DPP10: variants seen among roughly 807,000 people sequenced by gnomAD.
DPP10 encodes dipeptidyl peptidase like 10.
DPP10 carries 33 observed loss-of-function variants against 120.9 expected under a neutral mutation model. The observed-to-expected ratio is 0.27, with a 90% CI of 0.21 to 0.37. DPP10 has a LOEUF of 0.37. Among genes scored for constraint, DPP10 ranks in the 10% least tolerant of loss-of-function variants. The probability of loss-of-function intolerance (pLI) is 1.00; values close to 1 mark genes in which losing one functional copy is unlikely to be tolerated. For synonymous variants in DPP10, 337 were observed against 326.1 expected, an observed-to-expected ratio of 1.03 and a Z score of -0.36; for missense variants, 816 against 942.8, an observed-to-expected ratio of 0.87 and a Z score of 1.76.
At chr2:114,972,318 T>C (rs1699452117) in intron 1 of DPP10, among the ~76,000 whole-genome samples, 1 of 152,224 alleles carries the variant, frequency 6.6e-6, no homozygotes, top group Non-Finnish European at 1.5e-5. Flanking sequence ...CATTCAGTTT[T>C]GCAAACTGAT....
chr2:115,123,519 T>A (rs1438445497), intron 1 of DPP10, among the ~76,000 whole-genome samples: 2 of 152,198 alleles, frequency 1.3e-5, no homozygotes, highest in South Asian at 4.1e-4. Context: ...GGAAGATCAT[T>A]TACTGGTTAA....
chr2:115,461,523 A>G (rs894332531), intron 3 of DPP10, among the ~76,000 whole-genome samples: 5 of 152,110 alleles, frequency 3.3e-5, no homozygotes, highest in Admixed American at 6.6e-5. Flanking sequence ...TAGATTTTAA[A>G]TGTTCTCACC....
chr2:115,158,643 C>A (rs1177340745), intron 1 of DPP10, among the ~76,000 whole-genome samples: 1 of 151,972 alleles, frequency 6.6e-6, no homozygotes, highest in Non-Finnish European at 1.5e-5. Context: ...TCTCCAGTTC[C>A]TTTTCAGTTA....
chr2:114,621,746 G>T (rs530620333), intron 1 of DPP10, among the ~76,000 whole-genome samples: 5 of 151,670 alleles, frequency 3.3e-5, no homozygotes, highest in African/African-American at 1.2e-4. Context: ...ATGGATAGAG[G>T]TTTTTTCATT....
At chr2:115,457,887 C>A (rs1410652214) in intron 3 of DPP10, among the ~76,000 whole-genome samples, 1 of 152,006 alleles carries the variant, frequency 6.6e-6, no homozygotes, top group African/African-American at 2.4e-5. Flanking sequence ...TCTTTATATA[C>A]TTAAACACTG....
intron 3 of DPP10, among the ~76,000 whole-genome samples, chr2:115,463,120 A>G (rs2074095398): frequency 2.0e-5 from 3 of 152,186 alleles, no homozygotes; most frequent in Admixed American, 1.3e-4. Context: ...GCCAGTGTCA[A>G]CTGCATTTGG....
At chr2:115,808,195 A>T (rs72952001) in intron 19 of DPP10, among the ~76,000 whole-genome samples, 3 of 152,366 alleles carry the variant, frequency 2.0e-5, no homozygotes, top group Admixed American at 6.5e-5. Flanking sequence ...TGGCCGTGTA[A>T]CTATAATTCA....
At chr2:114,919,795 A>C (rs1261139605) in intron 1 of DPP10, among the ~76,000 whole-genome samples, 1 of 152,292 alleles carries the variant, frequency 6.6e-6, no homozygotes, top group Admixed American at 6.5e-5. Flanking sequence ...GTGTAGTTGC[A>C]TTCTGATGAT....
chr2:115,216,943 CTT>C (rs754295341), intron 1 of DPP10, among the ~76,000 whole-genome samples: 9 of 151,708 alleles, frequency 5.9e-5, no homozygotes, highest in African/African-American at 1.5e-4. Flanking sequence ...ATTTGTCTAA[CTT>C]AACATCAAAA....
At chr2:115,447,835 A>G (rs765793589) in intron 3 of DPP10, among the ~76,000 whole-genome samples, 1 of 152,234 alleles carries the variant, frequency 6.6e-6, no homozygotes, top group African/African-American at 2.4e-5. Context: ...AAAATGGGCT[A>G]TTATAGTCAG....
At chr2:114,971,296 T>C (rs995461663) in intron 1 of DPP10, among the ~76,000 whole-genome samples, 2 of 152,322 alleles carry the variant, frequency 1.3e-5, no homozygotes, top group South Asian at 2.1e-4. Flanking sequence ...AATTTAACTT[T>C]CTATTTTTTT....
intron 10 of DPP10, 132 bp from the exon 11 acceptor site, chr2:115,753,042 C>A: frequency 1.5e-6 from 1 of 665,194 alleles, no homozygotes; most frequent in Non-Finnish European, 2.3e-6. Context: ...TCTATCTATA[C>A]ATAAATTAAT....
intron 1 of DPP10, among the ~76,000 whole-genome samples, chr2:114,503,150 G>A (rs1683342101): frequency 6.6e-6 from 1 of 152,160 alleles, no homozygotes; most frequent in African/African-American, 2.4e-5. Flanking sequence ...ATCACCAATA[G>A]CATGGGGCTT....
chr2:115,435,072 A>G (rs2071368939), intron 3 of DPP10, among the ~76,000 whole-genome samples: 1 of 148,874 alleles, frequency 6.7e-6, no homozygotes, highest in Non-Finnish European at 1.5e-5. Context: ...ATATATATAT[A>G]TGTATCACAT....
chr2:114,939,011 C>T (rs1234502495), intron 1 of DPP10, among the ~76,000 whole-genome samples: 7 of 151,726 alleles, frequency 4.6e-5, no homozygotes, highest in Non-Finnish European at 1.0e-4. Flanking sequence ...TGTATATTTC[C>T]CATACTTATG....
chr2:114,769,812 A>G (rs1681089653), intron 1 of DPP10, among the ~76,000 whole-genome samples: 1 of 152,176 alleles, frequency 6.6e-6, no homozygotes, highest in Admixed American at 6.5e-5. Context: ...GTGACATACA[A>G]ATGTCTTTTT....
intron 1 of DPP10, among the ~76,000 whole-genome samples, chr2:115,264,119 G>A (rs1285802759): frequency 1.3e-5 from 2 of 152,184 alleles, no homozygotes; most frequent in African/African-American, 2.4e-5. Context: ...TTTCAAGAGT[G>A]TTAACAGGTA....
intron 2 of DPP10, among the ~76,000 whole-genome samples, chr2:115,341,238 G>A (rs891532717): frequency 2.0e-5 from 3 of 151,858 alleles, no homozygotes; most frequent in East Asian, 1.9e-4. Context: ...TTTGAAACAT[G>A]TAATACCCAG....
chr2:115,428,182 G>A (rs843398), intron 3 of DPP10, among the ~76,000 whole-genome samples: 6 of 151,986 alleles, frequency 3.9e-5, no homozygotes, highest in Admixed American at 2.6e-4. Context: ...AACTATTTAA[G>A]CAGTCTTTAA....
Sources: gnomAD v4.1 joint callset for allele counts (sites outside exome capture counted in the v4.1 genomes callset) on GRCh38, gnomAD v4.1.1 for gene constraint, MANE v1.5 for transcripts, NCBI Gene and HGNC (gene_info 2026-07-23, HGNC 2026-07-21) for gene names.